The following EIF3J variants were observed in gnomAD, a reference collection of about 807,000 sequenced individuals.
The protein encoded by EIF3J is eukaryotic translation initiation factor 3 subunit J.
A neutral mutation model predicts 39.0 loss-of-function variants in EIF3J; 15 were observed. That is an observed-to-expected ratio of 0.38 (90% CI 0.26 to 0.59). EIF3J has a LOEUF of 0.59. EIF3J is among the 20% of genes least tolerant of loss of function. The pLI, the probability that EIF3J is intolerant of heterozygous loss-of-function variation, is 0.60. For missense variants in EIF3J, 226 were observed against 308.6 expected (o/e 0.73, Z 2.00); for synonymous variants, 98 against 112.9 (o/e 0.87, Z 0.84).
Position 44,560,242 on chromosome 15 carries a change from T to G in EIF3J, c.572-7T>G. On this transcript the variant is annotated splice_region_variant and splice_polypyrimidine_tract_variant and intron_variant, in intron 6 of 7. Transcript: ENST00000261868. The stretch of plus-strand genomic sequence containing the variant: ...CAAGTTTAATGGTATGCCCTTTTTT[T>G]TTTAAGTGGAAATTGATGACTTGAA... 1 of 1,597,338 alleles carries G rather than the reference T, an allele frequency of 6.3e-7. No individual in the cohort carries two copies. Among genetic ancestry groups the G allele is most frequent in the African/African-American group, 1.4e-5 (1 of 73,962 alleles).
chr15:44,551,881 G>A (rs1396730080), intron 4 of EIF3J, among the ~76,000 whole-genome samples: 4 of 151,590 alleles, frequency 2.6e-5, no homozygotes, highest in African/African-American at 9.7e-5. Flanking sequence ...CTAGGCTGGA[G>A]TACAGTGGCA....
intron 2 of EIF3J, 187 bp from the exon 3 acceptor site, chr15:44,550,689 C>A: frequency 6.5e-6 from 3 of 464,276 alleles, no homozygotes; most frequent in African/African-American, 2.0e-5. Flanking sequence ...AATGGAAAGA[C>A]AGTTCTTATT....
chr15:44,552,582 G>A (rs2082109069), intron 4 of EIF3J, among the ~76,000 whole-genome samples: 1 of 148,394 alleles, frequency 6.7e-6, no homozygotes, highest in Non-Finnish European at 1.5e-5. Flanking sequence ...TTTTTTTTTA[G>A]AGATGGAGTT....
chr15:44,547,569 C>T (rs758531541), intron 2 of EIF3J, among the ~76,000 whole-genome samples: 1 of 151,664 alleles, frequency 6.6e-6, no homozygotes, highest in Non-Finnish European at 1.5e-5. Context: ...CCTGCCTCAG[C>T]CCCCAAGTAG....
chr15:44,544,703 TAAA>T (rs34101594), intron 2 of EIF3J, among the ~76,000 whole-genome samples: 1 of 85,428 alleles, frequency 1.2e-5, no homozygotes, highest in East Asian at 3.5e-4. Context: ...AAACTCCATT[TAAA>T]AAAAAAAAAA....
intron 4 of EIF3J, among the ~76,000 whole-genome samples, chr15:44,552,724 C>A (rs748860435): frequency 2.0e-5 from 3 of 151,986 alleles, no homozygotes; most frequent in Non-Finnish European, 4.4e-5. Flanking sequence ...CCATGCCCAG[C>A]TAATTTTGTA....
intron 6 of EIF3J, among the ~76,000 whole-genome samples, chr15:44,559,566 G>C (rs953404877): frequency 6.6e-6 from 1 of 151,846 alleles, no homozygotes; most frequent in Non-Finnish European, 1.5e-5. Context: ...AATTAGCTGG[G>C]CATGGTGGCG....
intron 2 of EIF3J, among the ~76,000 whole-genome samples, chr15:44,547,743 G>T (rs554403355): frequency 6.6e-6 from 1 of 152,026 alleles, no homozygotes; most frequent in South Asian, 2.1e-4. Context: ...CCACGCACCC[G>T]GCCTGACTCC....
chr15:44,542,339 T>C lies in EIF3J; in HGVS notation c.147+4912T>C, dbSNP rs549181422. The stretch of plus-strand genomic sequence containing the variant: ...CAGAACACAAATTAAAGGCTTTTTT[T>C]TTCTTTCCCAGCAAGAGATTATGTT... On this transcript the variant is annotated intron_variant, in intron 2 of 7. Coordinates refer to ENST00000261868, the MANE Select transcript of EIF3J (RefSeq NM_003758.4). Among the ~76,000 whole-genome samples the C allele has an allele frequency of 2.0e-5, 3 of 152,326 alleles. No homozygotes were observed. In the East Asian group the frequency reaches 5.8e-4, roughly 29 times the overall value.
At chr15:44,540,673 T>A (rs1336076494) in intron 2 of EIF3J, among the ~76,000 whole-genome samples, 1 of 152,132 alleles carries the variant, frequency 6.6e-6, no homozygotes, top group African/African-American at 2.4e-5. Context: ...ACTCTTGGAG[T>A]CAAGTGATCT....
At chr15:44,546,798 A>G (rs916248874) in intron 2 of EIF3J, among the ~76,000 whole-genome samples, 1 of 151,306 alleles carries the variant, frequency 6.6e-6, no homozygotes, top group Non-Finnish European at 1.5e-5. Flanking sequence ...TTAGGCATAG[A>G]AAAAACAGAG....
chr15:44,555,637 A>C (rs535852014), intron 5 of EIF3J, among the ~76,000 whole-genome samples: 31 of 152,300 alleles, frequency 2.0e-4, no homozygotes, highest in African/African-American at 7.5e-4. Flanking sequence ...AAAGCTGCCC[A>C]TGTGTTTATT....
At position 44,551,591 on chromosome 15, in the gene EIF3J, T is replaced by C. The variant is rs1595803852; in HGVS notation, c.294+69T>C. 2.3e-5 allele frequency: 28 copies of C among 1,207,528 alleles called. No homozygotes were observed. The East Asian group carries it at 6.7e-4, about 29-fold the overall frequency. 74.8% of individuals were successfully genotyped at this position (1,207,528 alleles called of 1,614,324 possible). A position where few individuals can be genotyped will look rare whatever the true frequency, so the allele number is the denominator to read the frequency against. On this transcript the variant is annotated intron_variant, in intron 4 of 7. Coordinates refer to ENST00000261868, the MANE Select transcript of EIF3J (RefSeq NM_003758.4). ...GGTATAGTTTCTAACAGGCTGCAAA[T>C]ATTACCTAGGAATTTGAAGGGCTCT...
rs200078871 is a variant in EIF3J, at chr15:44,545,269, G to A, written c.148-5607G>A. Among the ~76,000 whole-genome samples the A allele has an allele frequency of 5.3e-5, 8 of 151,976 alleles. No individual in the cohort carries two copies. In the East Asian group the frequency reaches 9.6e-4, roughly 18 times the overall value. On this transcript the variant is annotated intron_variant, in intron 2 of 7. Transcript: ENST00000261868. Reference sequence around the variant, plus strand: ...TGCATTGGAATTGCTTTATTCCAGCGAATTAAATTGTTTACCAGACTGTGA... The same window carrying A: ...TGCATTGGAATTGCTTTATTCCAGCAAATTAAATTGTTTACCAGACTGTGA...
chr15:44,552,025 G>T (rs1301517794), intron 4 of EIF3J, among the ~76,000 whole-genome samples: 1 of 152,076 alleles, frequency 6.6e-6, no homozygotes, highest in Non-Finnish European at 1.5e-5. Flanking sequence ...GTTTCACCAT[G>T]TTGGCCAGGA....
chr15:44,556,820 CTAAT>C (rs1401818206), intron 5 of EIF3J, among the ~76,000 whole-genome samples: 6 of 151,832 alleles, frequency 4.0e-5, no homozygotes, highest in Non-Finnish European at 1.5e-5. Context: ...CCACACCTGG[CTAAT>C]TAAAAAAATT....
intron 2 of EIF3J, among the ~76,000 whole-genome samples, chr15:44,539,849 C>T (rs979436174): frequency 6.6e-5 from 10 of 151,914 alleles, no homozygotes; most frequent in Admixed American, 6.6e-4. Context: ...CAACCTCCGC[C>T]TCCCGGATTC....
intron 2 of EIF3J, among the ~76,000 whole-genome samples, chr15:44,541,256 A>G (rs757104751): frequency 8.0e-4 from 121 of 152,192 alleles, no homozygotes; most frequent in Non-Finnish European, 1.3e-3. Flanking sequence ...GTGAGTACCT[A>G]CTGGACACAA....
rs2082007365 is a variant in EIF3J, at chr15:44,540,629, TAG to T, written c.147+3205_147+3206del. 6.6e-5 allele frequency among the ~76,000 whole-genome samples: 10 copies of T among 152,128 alleles called. No homozygotes were observed. In the South Asian group the frequency reaches 2.1e-3, roughly 32 times the overall value. Reference sequence around the variant, plus strand: ...CTAATTTTTGTGTTTTTGGTAGAGATAGAGTTTCGCCAAGTTGCCCAGGCTGG... The same window carrying T: ...CTAATTTTTGTGTTTTTGGTAGAGATAGTTTCGCCAAGTTGCCCAGGCTGG... On this transcript the variant is annotated intron_variant, in intron 2 of 7. Transcript: ENST00000261868.
Sources: allele counts gnomAD v4.1 joint callset (sites outside exome capture counted in the v4.1 genomes callset), GRCh38; gene constraint gnomAD v4.1.1; transcripts MANE v1.5; gene names NCBI Gene and HGNC (gene_info 2026-07-23, HGNC 2026-07-21).